The following SOX5 variants were observed in gnomAD, a reference collection of about 807,000 sequenced individuals.
The protein encoded by SOX5 is transcription factor SOX-5.
SOX5 carries 9 observed loss-of-function variants against 92.0 expected under a neutral mutation model. That is an observed-to-expected ratio of 0.10 (90% CI 0.06 to 0.17). SOX5 has a LOEUF of 0.17. Among genes scored for constraint, SOX5 ranks in the 10% least tolerant of loss-of-function variants. The pLI is 1.00. For synonymous variants in SOX5, 344 were observed against 336.3 expected (o/e 1.02, Z -0.25); for missense variants, 642 against 944.5 (o/e 0.68, Z 4.20).
chr12:23,983,271 C>T (rs1949763472), intron 4 of SOX5, among the ~76,000 whole-genome samples: 1 of 152,268 alleles, frequency 6.6e-6, no homozygotes, highest in East Asian at 1.9e-4. Context: ...GCATCACCTG[C>T]TTCCCTCTGA....
At chr12:24,121,611 G>A (rs1440420977) in intron 4 of SOX5, among the ~76,000 whole-genome samples, 3 of 146,454 alleles carry the variant, frequency 2.0e-5, no homozygotes, top group Non-Finnish European at 3.0e-5. Context: ...GAGATGGGCC[G>A]GGCGCGGTGG....
intron 3 of SOX5, among the ~76,000 whole-genome samples, chr12:23,782,503 C>T (rs914859208): frequency 5.3e-5 from 8 of 152,084 alleles, no homozygotes; most frequent in East Asian, 3.9e-4. Context: ...CTAAAACTTT[C>T]GGATGTAAGG....
At chr12:23,885,167 A>C (rs1288678498) in intron 2 of SOX5, among the ~76,000 whole-genome samples, 1 of 152,204 alleles carries the variant, frequency 6.6e-6, no homozygotes, top group Non-Finnish European at 1.5e-5. Flanking sequence ...GTGTTTATGC[A>C]GAGGGAAAGG....
intron 4 of SOX5, among the ~76,000 whole-genome samples, chr12:24,109,435 T>TACC (rs972675561): frequency 2.0e-5 from 3 of 152,178 alleles, no homozygotes; most frequent in Non-Finnish European, 2.9e-5. Flanking sequence ...TATGCACTTC[T>TACC]ACCACTTTCT....
At chr12:24,385,663 G>C (rs1234060998) in intron 1 of SOX5, among the ~76,000 whole-genome samples, 1 of 151,702 alleles carries the variant, frequency 6.6e-6, no homozygotes, top group Non-Finnish European at 1.5e-5. Context: ...TTATCTTTAA[G>C]ATTTATATGG....
chr12:23,699,756 G>C (rs1429876635), intron 6 of SOX5, among the ~76,000 whole-genome samples: 1 of 152,148 alleles, frequency 6.6e-6, no homozygotes, highest in Admixed American at 6.6e-5. Context: ...CTTTCTTTCA[G>C]AGAGGGTTGG....
chr12:23,579,383 A>G (rs1949730343), intron 9 of SOX5, among the ~76,000 whole-genome samples: 1 of 152,162 alleles, frequency 6.6e-6, no homozygotes, highest in African/African-American at 2.4e-5. Context: ...TATATTAATA[A>G]GAACTCACAT....
rs1304819457 is a variant in SOX5, at chr12:23,640,813, T to G, written c.1016A>C (p.Gln339Pro). 6.2e-7 allele frequency: 1 copy of G among 1,611,206 alleles called. No homozygotes were observed. Among genetic ancestry groups the G allele is most frequent in the Non-Finnish European group, 8.5e-7 (1 of 1,177,302 alleles). ...ATPGLGPLQL[Q>P]QLYAAQLAAM... ...CCTCTGTATTGTTTCCTGACTTACC[T>G]GCAGTTGGAGTGGGCCTAAGCCTGG... Residue 339 changes from glutamine to proline, a missense_variant and splice_region_variant, in exon 8 of 15, where the codon CAG becomes CCG. Gln to Pro is a moderately conservative substitution (Grantham distance 76). Around this residue, in one of 8 missense-constraint regions of SOX5, gnomAD observed 324 missense variants for 461.6 expected, o/e 0.70. Coordinates refer to ENST00000451604, the MANE Select transcript of SOX5 (RefSeq NM_006940.6).
At position 23,660,359 on chromosome 12, in the gene SOX5, T is replaced by G. The variant is rs2082873714; in HGVS notation, c.931+5085A>C. 3.3e-5 allele frequency among the ~76,000 whole-genome samples: 5 copies of G among 150,504 alleles called. No homozygotes were observed. The South Asian group carries it at 1.1e-3, about 32-fold the overall frequency. ...AATTCCGTAAAATGGATCATGGATC[T>G]TATTACACCATTGTGTAGATAAGGA... On this transcript the variant is annotated intron_variant, in intron 7 of 14. Coordinates refer to ENST00000451604, the MANE Select transcript of SOX5 (RefSeq NM_006940.6).
chr12:23,867,014 G>A (rs2096821851), intron 2 of SOX5, among the ~76,000 whole-genome samples: 1 of 150,022 alleles, frequency 6.7e-6, no homozygotes, highest in Admixed American at 6.6e-5. Context: ...CCCTGGCCAT[G>A]CGTTCCTTAT....
intron 3 of SOX5, among the ~76,000 whole-genome samples, chr12:24,264,314 C>T (rs2140277167): frequency 6.6e-6 from 1 of 152,218 alleles, no homozygotes; most frequent in East Asian, 1.9e-4. Flanking sequence ...GCTAGTAAAT[C>T]TATACATACA....
chr12:23,660,001 T>C (rs2082827371), intron 7 of SOX5, among the ~76,000 whole-genome samples: 1 of 151,898 alleles, frequency 6.6e-6, no homozygotes, highest in African/African-American at 2.4e-5. Context: ...AACTTGGTGA[T>C]TATAATAAAA....
Position 24,338,779 on chromosome 12 carries a change from T to A in SOX5, c.-174+29784A>T, listed in dbSNP as rs1952210499. ...GGTTTTATAAAGGGCAGTTCCCCTG[T>A]ACACGCTCTCTTGCCTACCACCACG... is the stretch of plus-strand genomic sequence containing the variant. On this transcript the variant is annotated intron_variant, in intron 2 of 4. Transcript: ENST00000446891. Among the ~76,000 whole-genome samples the A allele has an allele frequency of 3.9e-5, 6 of 152,188 alleles. No individual in the cohort carries two copies. In the South Asian group the frequency reaches 1.2e-3, roughly 32 times the overall value.
chr12:23,670,870 GTAA>G (rs1407384450), intron 6 of SOX5, among the ~76,000 whole-genome samples: 1 of 152,092 alleles, frequency 6.6e-6, no homozygotes, highest in Non-Finnish European at 1.5e-5. Flanking sequence ...CACATGAATT[GTAA>G]TATTATCAGA....
intron 2 of SOX5, among the ~76,000 whole-genome samples, chr12:24,337,610 G>A (rs1294197604): frequency 2.6e-5 from 4 of 152,208 alleles, no homozygotes; most frequent in Admixed American, 2.6e-4. Context: ...AAAGTGCTGG[G>A]ATTACAAGCA....
At chr12:23,794,034 T>C (rs1007832385) in intron 3 of SOX5, among the ~76,000 whole-genome samples, 2 of 152,192 alleles carry the variant, frequency 1.3e-5, no homozygotes, top group Admixed American at 1.3e-4. Context: ...AGTTTTTCTT[T>C]ATAATCCATC....
At chr12:23,854,015 A>C (rs1190668546) in intron 2 of SOX5, among the ~76,000 whole-genome samples, 2 of 152,118 alleles carry the variant, frequency 1.3e-5, no homozygotes, top group Non-Finnish European at 2.9e-5. Flanking sequence ...AAATCTCTAG[A>C]ACCTTTTTAT....
intron 6 of SOX5, among the ~76,000 whole-genome samples, chr12:23,702,840 T>C (rs2090852566): frequency 1.3e-5 from 2 of 151,988 alleles, no homozygotes; most frequent in Non-Finnish European, 2.9e-5. Context: ...ATAGTTTAGA[T>C]GGAAAAGGAT....
rs189851339 is a variant in SOX5 at position 23,612,749 on chromosome 12, G to A, written c.1018-8216C>T. Reference sequence around the variant, plus strand: ...AAGATATGTACTATATATATTTGACGGAAAAGTATTTGTTTATTTCTTCTT... The same window carrying A: ...AAGATATGTACTATATATATTTGACAGAAAAGTATTTGTTTATTTCTTCTT... On this transcript the variant is annotated intron_variant, in intron 8 of 14. Transcript: ENST00000451604. Among the ~76,000 whole-genome samples, 65 of 152,122 alleles carry A rather than the reference G, an allele frequency of 4.3e-4. 1 individual carries two copies. Among genetic ancestry groups the A allele is most frequent in the Admixed American group, 1.8e-3 (27 of 15,264 alleles).
Sources: gnomAD v4.1 joint callset for allele counts (sites outside exome capture counted in the v4.1 genomes callset) on GRCh38, gnomAD v4.1.1 for gene constraint, gnomAD v4.1.1 regional missense constraint, MANE v1.5 for transcripts, NCBI Gene and HGNC (gene_info 2026-07-23, HGNC 2026-07-21) for gene names.